The following NRG1 variants were observed in gnomAD, a reference collection of about 807,000 sequenced individuals.
The protein encoded by NRG1 is pro-neuregulin-1, membrane-bound isoform.
In NRG1, 18 loss-of-function variants were observed where a neutral mutation model predicts 63.8. The observed-to-expected ratio is 0.28, with a 90% CI of 0.19 to 0.42. The LOEUF is 0.42. Ranked by LOEUF, NRG1 falls within the 10% of genes least tolerant of loss-of-function variation. The pLI, the probability that NRG1 is intolerant of heterozygous loss-of-function variation, is 1.00. For missense variants in NRG1, 762 were observed against 814.7 expected (o/e 0.94, Z 0.79); for synonymous variants, 302 against 301.3 (o/e 1.00, Z -0.02).
chr8:32,733,120 T>C (rs1824145332), intron 6 of NRG1, among the ~76,000 whole-genome samples: 1 of 152,180 alleles, frequency 6.6e-6, no homozygotes, highest in African/African-American at 2.4e-5. Flanking sequence ...GTTTAATTTC[T>C]AATTCTTTAT....
intron 5 of NRG1, among the ~76,000 whole-genome samples, chr8:32,644,539 C>CT: frequency 6.6e-6 from 1 of 152,260 alleles, no homozygotes; most frequent in Admixed American, 6.5e-5. Context: ...CATTTACATT[C>CT]TTTTTCCAAT....
At chr8:31,947,944 C>CAA (rs55953491) in intron 1 of NRG1, among the ~76,000 whole-genome samples, 3,689 of 32,934 alleles carry the variant, frequency 0.11, 768 homozygotes, top group Middle Eastern at 0.15. Context: ...GACTCCATCT[C>CAA]AAAAAAAAAA....
At chr8:32,258,873 A>G (rs578253092) in intron 1 of NRG1, among the ~76,000 whole-genome samples, 87 of 152,148 alleles carry the variant, frequency 5.7e-4, no homozygotes, top group Non-Finnish European at 1.1e-3. Flanking sequence ...AACATGGACC[A>G]TCTGCCTCTG....
At chr8:31,937,313 C>A (rs1322777090) in intron 1 of NRG1, among the ~76,000 whole-genome samples, 1 of 151,578 alleles carries the variant, frequency 6.6e-6, no homozygotes, top group African/African-American at 2.4e-5. Context: ...CTAGAGAAGA[C>A]TTAATAGAAA....
chr8:32,306,138 A>G (rs1856161457), intron 1 of NRG1, among the ~76,000 whole-genome samples: 2 of 152,150 alleles, frequency 1.3e-5, no homozygotes, highest in Admixed American at 6.5e-5. Flanking sequence ...TTCACCATTT[A>G]CTTTCCAATT....
chr8:32,342,355 C>T (rs1804184294), intron 1 of NRG1, among the ~76,000 whole-genome samples: 1 of 152,142 alleles, frequency 6.6e-6, no homozygotes, highest in Non-Finnish European at 1.5e-5. Flanking sequence ...GAAAGCAAAA[C>T]TAACAATCAC....
At chr8:31,934,329 G>A (rs566764060) in intron 1 of NRG1, among the ~76,000 whole-genome samples, 50 of 150,068 alleles carry the variant, frequency 3.3e-4, no homozygotes, top group African/African-American at 1.2e-3. Context: ...ATATATGTGT[G>A]TGTATATATA....
At chr8:32,249,166 G>A (rs1848857583) in intron 1 of NRG1, among the ~76,000 whole-genome samples, 1 of 151,958 alleles carries the variant, frequency 6.6e-6, no homozygotes, top group African/African-American at 2.4e-5. Flanking sequence ...ATTTTTTTCA[G>A]AGATGGGCTA....
At chr8:31,863,581 C>T (rs533536762) in intron 1 of NRG1, among the ~76,000 whole-genome samples, 1 of 152,300 alleles carries the variant, frequency 6.6e-6, no homozygotes, top group East Asian at 1.9e-4. Context: ...CAACTAAAAA[C>T]ACCCATAGGT....
At chr8:32,215,836 G>A (rs1311013984) in intron 1 of NRG1, among the ~76,000 whole-genome samples, 1 of 152,098 alleles carries the variant, frequency 6.6e-6, no homozygotes, top group Non-Finnish European at 1.5e-5. Flanking sequence ...GAGCCCAGGA[G>A]TTCAAGCCCC....
At chr8:31,953,273 G>A (rs1803783626) in intron 1 of NRG1, among the ~76,000 whole-genome samples, 1 of 152,158 alleles carries the variant, frequency 6.6e-6, no homozygotes, top group Non-Finnish European at 1.5e-5. Context: ...TGGATAGAGG[G>A]ATAGATAAAT....
intron 1 of NRG1, among the ~76,000 whole-genome samples, chr8:32,505,844 A>C (rs1231540231): frequency 6.6e-6 from 1 of 152,216 alleles, no homozygotes; most frequent in Non-Finnish European, 1.5e-5. Flanking sequence ...CAAATTCCCC[A>C]GATTGCTGAC....
intron 1 of NRG1, among the ~76,000 whole-genome samples, chr8:31,780,823 T>A (rs1029700276): frequency 2.0e-5 from 3 of 152,160 alleles, no homozygotes; most frequent in Non-Finnish European, 4.4e-5. Flanking sequence ...TCTAGTGTTT[T>A]CTCTGCCACC....
At chr8:32,569,312 G>C (rs111729624) in intron 1 of NRG1, among the ~76,000 whole-genome samples, 2 of 152,296 alleles carry the variant, frequency 1.3e-5, no homozygotes, top group African/African-American at 4.8e-5. Context: ...GCCTCCCAAA[G>C]TGCTGGGATT....
chr8:32,340,810 T>C (rs1474612213), intron 1 of NRG1, among the ~76,000 whole-genome samples: 1 of 152,172 alleles, frequency 6.6e-6, no homozygotes. Context: ...GGTCAGCAAA[T>C]GATAGCCAAT....
chr8:32,684,175 A>G (rs1809457450), intron 5 of NRG1, among the ~76,000 whole-genome samples: 1 of 152,216 alleles, frequency 6.6e-6, no homozygotes, highest in African/African-American at 2.4e-5. Flanking sequence ...CAAAGAAAAA[A>G]ATAGTCAGCT....
intron 1 of NRG1, among the ~76,000 whole-genome samples, chr8:32,453,089 G>A (rs1463027633): frequency 2.6e-5 from 4 of 152,084 alleles, no homozygotes; most frequent in Non-Finnish European, 1.5e-5. Flanking sequence ...CCAGACATTT[G>A]GAACCAGATT....
chr8:32,199,639 CTT>C (rs1312081345), intron 1 of NRG1, among the ~76,000 whole-genome samples: 3 of 152,178 alleles, frequency 2.0e-5, no homozygotes, highest in Admixed American at 6.5e-5. Flanking sequence ...CTTCTCTACT[CTT>C]TTTCTTTCTG....
intron 1 of NRG1, among the ~76,000 whole-genome samples, chr8:32,135,874 G>A (rs959418218): frequency 1.3e-5 from 2 of 151,928 alleles, no homozygotes; most frequent in Non-Finnish European, 2.9e-5. Context: ...TACATTTACA[G>A]GTGAGCATAA....
Sources: allele counts gnomAD v4.1 joint callset (sites outside exome capture counted in the v4.1 genomes callset), GRCh38; gene constraint gnomAD v4.1.1; transcripts MANE v1.5; gene names NCBI Gene and HGNC (gene_info 2026-07-23, HGNC 2026-07-21).